The following ERC2 variants were observed in gnomAD, a reference collection of about 807,000 sequenced individuals.
ERC2 encodes the protein ERC protein 2.
Under a neutral mutation model 114.8 loss-of-function variants are expected in ERC2, and 42 were observed. The observed-to-expected ratio is 0.37, with a 90% confidence interval of 0.29 to 0.47. The LOEUF is 0.47. Among genes scored for constraint, ERC2 ranks in the 20% least tolerant of loss-of-function variants. The probability of loss-of-function intolerance (pLI) is 0.99; values close to 1 mark genes in which losing one functional copy is unlikely to be tolerated. For synonymous variants in ERC2, 454 were observed against 425.5 expected, an observed-to-expected ratio of 1.07 and a Z score of -0.82; for missense variants, 939 against 1,150.7, an observed-to-expected ratio of 0.82 and a Z score of 2.66.
chr3:55,908,601 A>C (rs1478418162), intron 13 of ERC2, among the ~76,000 whole-genome samples: 4 of 152,094 alleles, frequency 2.6e-5, no homozygotes, highest in Admixed American at 2.6e-4. Flanking sequence ...AGGAGTTAGA[A>C]ATGATAGAAG....
intron 16 of ERC2, among the ~76,000 whole-genome samples, chr3:55,696,530 C>A (rs1044411253): frequency 1.3e-5 from 2 of 152,170 alleles, no homozygotes; most frequent in Non-Finnish European, 2.9e-5. Context: ...ATATGGCTGT[C>A]ATTTTTCTCC....
At chr3:55,813,075 G>C (rs889752305) in intron 14 of ERC2, among the ~76,000 whole-genome samples, 2 of 152,172 alleles carry the variant, frequency 1.3e-5, no homozygotes, top group Non-Finnish European at 2.9e-5. Context: ...TGCCTATTAA[G>C]AAACCGAAGC....
rs1011189472 is a variant in ERC2, at chr3:55,797,875, A to G, written c.2565-62957T>C. Among the ~76,000 whole-genome samples, 3 of 152,370 alleles carry G rather than the reference A, an allele frequency of 2.0e-5. No individual in the cohort carries two copies. The East Asian group carries it at 5.8e-4, about 29-fold the overall frequency. ...AACAGACTATCAAAAGTTACTAGAA[A>G]GATTTGAAGAATCCAAATTAAACTT... is the stretch of plus-strand genomic sequence containing the variant. On this transcript the variant is annotated intron_variant, in intron 14 of 17. Coordinates refer to ENST00000288221, the MANE Select transcript of ERC2 (RefSeq NM_015576.3).
At chr3:55,710,371 G>A (rs1427908218) in intron 15 of ERC2, among the ~76,000 whole-genome samples, 1 of 152,144 alleles carries the variant, frequency 6.6e-6, no homozygotes, top group Admixed American at 6.5e-5. Context: ...CAAAGAAGAG[G>A]CAAAGTGGAA....
chr3:55,946,488 T>C (rs2067136058), intron 13 of ERC2, among the ~76,000 whole-genome samples: 1 of 152,236 alleles, frequency 6.6e-6, no homozygotes, highest in South Asian at 2.1e-4. Context: ...GTCACTGTCT[T>C]CTATGACTAA....
At chr3:56,159,758 T>C (rs1398700198) in intron 4 of ERC2, among the ~76,000 whole-genome samples, 1 of 152,166 alleles carries the variant, frequency 6.6e-6, no homozygotes, top group Non-Finnish European at 1.5e-5. Context: ...ACGTGCAGTA[T>C]TTGGTTTTCT....
chr3:56,202,501 C>CTTTT (rs11457828), intron 3 of ERC2, among the ~76,000 whole-genome samples: 30,911 of 140,790 alleles, frequency 0.22, 3,764 homozygotes, highest in South Asian at 0.44. Context: ...TAAACTCAAG[C>CTTTT]TTTTTTTTTT....
chr3:55,530,816 C>T (rs990166688), intron 17 of ERC2, among the ~76,000 whole-genome samples: 6 of 152,154 alleles, frequency 3.9e-5, no homozygotes, highest in African/African-American at 1.4e-4. Flanking sequence ...TTAAGTGTTA[C>T]GAAGCCTAAT....
At chr3:55,956,512 A>C (rs535889319) in intron 12 of ERC2, among the ~76,000 whole-genome samples, 1 of 152,208 alleles carries the variant, frequency 6.6e-6, no homozygotes, top group South Asian at 2.1e-4. Flanking sequence ...GGAAGCTTTC[A>C]TAAATATTCT....
At chr3:56,415,592 C>T (rs1034884708) in intron 2 of ERC2, among the ~76,000 whole-genome samples, 1 of 152,242 alleles carries the variant, frequency 6.6e-6, no homozygotes, top group Non-Finnish European at 1.5e-5. Context: ...TATTTAAGAA[C>T]AACCTCTTTT....
At chr3:56,049,109 A>C (rs2075630146) in intron 7 of ERC2, among the ~76,000 whole-genome samples, 1 of 152,148 alleles carries the variant, frequency 6.6e-6, no homozygotes, top group Non-Finnish European at 1.5e-5. Context: ...ATGATAGAGG[A>C]TGTTGGAGAA....
In ERC2 at chr3:55,950,450, A is replaced by T; in HGVS notation, c.2378T>A (p.Met793Lys). The T allele has an allele frequency of 6.2e-7, 1 of 1,614,042 alleles. No individual in the cohort carries two copies. The highest frequency in any genetic ancestry group is 8.5e-7 in the Non-Finnish European group (1 of 1,179,896). Residue 793 changes from methionine (M) to lysine (K), a missense_variant, in exon 13 of 18, where the codon ATG (methionine) becomes AAG (lysine). Coordinates refer to ENST00000288221, the MANE Select transcript of ERC2 (RefSeq NM_015576.3). Reference protein sequence around the residue: ...LEEVRRREDSMADNSQHLQIE... With the variant: ...LEEVRRREDSKADNSQHLQIE... ...CTGCAAATGCTGTGAGTTGTCAGCC[A>T]TGCTGTCTTCTCGCCTGCGCACTTC...
chr3:56,438,277 C>G (rs953913055), intron 1 of ERC2, among the ~76,000 whole-genome samples: 1 of 152,198 alleles, frequency 6.6e-6, no homozygotes, highest in Non-Finnish European at 1.5e-5. Context: ...TCATAATTGC[C>G]TTGCCCTATC....
rs1024793534 is a variant in ERC2, at chr3:56,080,883, A to G, written c.1575T>C (p.Gly525=). Residue 525 remains glycine, a synonymous_variant, in exon 7 of 18, where the codon GGT becomes GGC. Coordinates refer to ENST00000288221, the MANE Select transcript of ERC2 (RefSeq NM_015576.3). Reference sequence around the variant, plus strand: ...ACATATCTTTCATGTCACGAATTTCACCGGCCAGTGTCCCCTTCTCTTCTG... The same window carrying G: ...ACATATCTTTCATGTCACGAATTTCGCCGGCCAGTGTCCCCTTCTCTTCTG... ...DLTEEKGTLA[G]EIRDMKDMLE... 1.2e-6 allele frequency: 2 copies of G among 1,613,586 alleles called. No individual in the cohort carries two copies. The highest frequency in any genetic ancestry group is 2.7e-5 in the African/African-American group (2 of 74,900).
rs2063942968 is a variant in ERC2 at position 55,898,360 on chromosome 3, C to A, written c.2404-9811G>T. On this transcript the variant is annotated intron_variant, in intron 13 of 17. Coordinates refer to ENST00000288221, the MANE Select transcript of ERC2 (RefSeq NM_015576.3). ...GTTCTGCAGTGTGGCAAAGAGATGG[C>A]CTTCTCTCTAACAGCCTGGGACATT... 2.0e-5 allele frequency among the ~76,000 whole-genome samples: 3 copies of A among 152,040 alleles called. No individual in the cohort carries two copies. In the South Asian group the frequency reaches 6.2e-4, roughly 32 times the overall value.
intron 6 of ERC2, among the ~76,000 whole-genome samples, chr3:56,082,008 A>T (rs1317738515): frequency 6.6e-6 from 1 of 152,224 alleles, no homozygotes; most frequent in African/African-American, 2.4e-5. Context: ...GATTTCCAAG[A>T]GTCTTGTTCT....
At chr3:56,460,033 C>A (rs936584786) in intron 1 of ERC2, among the ~76,000 whole-genome samples, 1 of 152,166 alleles carries the variant, frequency 6.6e-6, no homozygotes, top group African/African-American at 2.4e-5. Context: ...ATTGGCCAGC[C>A]AAGTGCTGAA....
At chr3:55,787,409 C>T (rs1029502388) in intron 14 of ERC2, among the ~76,000 whole-genome samples, 19 of 151,938 alleles carry the variant, frequency 1.3e-4, no homozygotes, top group African/African-American at 4.3e-4. Context: ...AGAGTGAGAC[C>T]CTGCCTCAAA....
intron 17 of ERC2, among the ~76,000 whole-genome samples, chr3:55,558,357 T>A (rs2055768517): frequency 6.6e-6 from 1 of 152,176 alleles, no homozygotes; most frequent in Non-Finnish European, 1.5e-5. Flanking sequence ...GAAAATAAGG[T>A]CCCAAATATT....
Sources: gnomAD v4.1 joint callset for allele counts (sites outside exome capture counted in the v4.1 genomes callset) on GRCh38, gnomAD v4.1.1 for gene constraint, MANE v1.5 for transcripts, NCBI Gene and HGNC (gene_info 2026-07-23, HGNC 2026-07-21) for gene names.